Variants in HMGCLL1 observed in about 807,000 individuals in gnomAD.
HMGCLL1 encodes 3-hydroxymethyl-3-methylglutaryl-CoA lyase, cytoplasmic.
A neutral mutation model predicts 39.1 loss-of-function variants in HMGCLL1; 36 were observed. The ratio of observed to expected loss-of-function variants is 0.92; its 90% CI spans 0.71 to 1.22. The LOEUF is 1.22. Among genes scored for constraint, HMGCLL1 ranks in the 50% most tolerant of loss-of-function variants. The pLI, the probability that HMGCLL1 is intolerant of heterozygous loss-of-function variation, is 0.00. For missense variants in HMGCLL1, 451 were observed against 416.5 expected (o/e 1.08, Z -0.72); for synonymous variants, 149 against 144.0 (o/e 1.03, Z -0.25).
At chr6:55,516,365 T>C (rs764627795) in intron 4 of HMGCLL1, 143 bp downstream of exon 4, 169 of 464,706 alleles carry the variant, frequency 3.6e-4, no homozygotes, top group Middle Eastern at 8.8e-4. Flanking sequence ...CTGTGAGGAC[T>C]TGGAGCTCTA....
chr6:55,471,615 A>G (rs753094723), intron 7 of HMGCLL1, among the ~76,000 whole-genome samples: 28 of 151,696 alleles, frequency 1.8e-4, no homozygotes, highest in Non-Finnish European at 3.5e-4. Flanking sequence ...AACATATTTT[A>G]TGTGACATTT....
chr6:55,661,526 G>A, the HMGCLL1 span, among the ~76,000 whole-genome samples: 2 of 151,958 alleles, frequency 1.3e-5, no homozygotes, highest in East Asian at 1.9e-4. Flanking sequence ...GATTGTAGGT[G>A]TGTGGACTTA....
At chr6:55,443,491 T>C (rs1458972662) in intron 7 of HMGCLL1, among the ~76,000 whole-genome samples, 2 of 152,146 alleles carry the variant, frequency 1.3e-5, no homozygotes, top group Admixed American at 1.3e-4. Flanking sequence ...TTTTTAGTCT[T>C]AATTGGCCTT....
the HMGCLL1 span, among the ~76,000 whole-genome samples, chr6:55,651,693 C>T: frequency 1.2e-4 from 19 of 152,012 alleles, no homozygotes; most frequent in African/African-American, 4.6e-4. Flanking sequence ...CTAGACTGTC[C>T]TTTAAGTTTA....
intron 1 of HMGCLL1, among the ~76,000 whole-genome samples, chr6:55,544,431 T>A (rs1769839441): frequency 6.6e-6 from 1 of 152,144 alleles, no homozygotes; most frequent in Non-Finnish European, 1.5e-5. Flanking sequence ...TAACCCATAT[T>A]CAAGTTCTTT....
intron 7 of HMGCLL1, among the ~76,000 whole-genome samples, chr6:55,473,025 G>A (rs73447046): frequency 0.081 from 12,155 of 150,700 alleles, 1,581 homozygotes; most frequent in African/African-American, 0.28. Context: ...TTTCTTTTGC[G>A]AAGTCCACTT....
intron 1 of HMGCLL1, among the ~76,000 whole-genome samples, chr6:55,546,239 C>T (rs1769967576): frequency 6.6e-6 from 1 of 152,030 alleles, no homozygotes; most frequent in South Asian, 2.1e-4. Context: ...TTTTATTGAT[C>T]ATCCAAGATT....
At chr6:55,474,878 C>T (rs974878402) in intron 7 of HMGCLL1, among the ~76,000 whole-genome samples, 4 of 151,698 alleles carry the variant, frequency 2.6e-5, no homozygotes, top group East Asian at 1.9e-4. Context: ...CTATATAAGG[C>T]GGGCTTTCCT....
At chr6:55,652,506 T>G in the HMGCLL1 span, among the ~76,000 whole-genome samples, 3 of 152,124 alleles carry the variant, frequency 2.0e-5, no homozygotes, top group Non-Finnish European at 4.4e-5. Flanking sequence ...GCTATGAGAA[T>G]AGAGAATAGA....
the HMGCLL1 span, among the ~76,000 whole-genome samples, chr6:55,668,646 C>A: frequency 1.3e-5 from 2 of 151,772 alleles, no homozygotes; most frequent in African/African-American, 4.8e-5. Flanking sequence ...CCTTTAATAT[C>A]CTTGACCTGA....
At chr6:55,503,480 CT>C (rs70986722) in intron 5 of HMGCLL1, among the ~76,000 whole-genome samples, 101,888 of 150,942 alleles carry the variant, frequency 0.68, 34,396 homozygotes, top group Non-Finnish European at 0.7. Flanking sequence ...AAACCTGAGA[CT>C]TTTTTTTTCT....
chr6:55,437,418 G>GA lies in HMGCLL1; in HGVS notation c.922-1656dup, dbSNP rs200883859. 1.5e-3 allele frequency among the ~76,000 whole-genome samples: 231 copies of GA among 150,028 alleles called. 1 individual carries two copies. In the Middle Eastern group the frequency reaches 0.02, roughly 13 times the overall value. ...GATATGAGGCCATCAACCCACTGAGGAAAAAAAAATGCAGAAAGGAATGTG... is the reference window on the plus strand; with the variant it reads ...GATATGAGGCCATCAACCCACTGAGGAAAAAAAAAATGCAGAAAGGAATGTG... On this transcript the variant is annotated intron_variant, in intron 8 of 8. Coordinates refer to ENST00000274901, the MANE Select transcript of HMGCLL1 (RefSeq NM_001042406.2).
chr6:55,553,370 G>C (rs1416540428), intron 1 of HMGCLL1, among the ~76,000 whole-genome samples: 1 of 151,630 alleles, frequency 6.6e-6, no homozygotes, highest in African/African-American at 2.4e-5. Flanking sequence ...CCCAGGAGGC[G>C]GAGGTTGTGG....
At chr6:55,568,429 A>T (rs1771316760) in intron 1 of HMGCLL1, among the ~76,000 whole-genome samples, 1 of 152,224 alleles carries the variant, frequency 6.6e-6, no homozygotes, top group African/African-American at 2.4e-5. Flanking sequence ...TCATAAAACC[A>T]AACATCTATA....
the HMGCLL1 span, among the ~76,000 whole-genome samples, chr6:55,641,916 T>C: frequency 6.8e-6 from 1 of 147,676 alleles, no homozygotes; most frequent in Admixed American, 6.8e-5. Flanking sequence ...ATTTATTTAT[T>C]TTTTATTATA....
intron 7 of HMGCLL1, among the ~76,000 whole-genome samples, chr6:55,449,727 T>C (rs1763999616): frequency 6.6e-6 from 1 of 152,174 alleles, no homozygotes; most frequent in Non-Finnish European, 1.5e-5. Context: ...GTATTTAGAT[T>C]TCTTTAAATT....
At chr6:55,626,617 C>T in the HMGCLL1 span, among the ~76,000 whole-genome samples, 5 of 152,032 alleles carry the variant, frequency 3.3e-5, no homozygotes, top group Non-Finnish European at 7.4e-5. Flanking sequence ...GTAGAAGTGG[C>T]ACCACTCACC....
At chr6:55,643,375 T>C in the HMGCLL1 span, among the ~76,000 whole-genome samples, 3 of 152,066 alleles carry the variant, frequency 2.0e-5, no homozygotes, top group African/African-American at 7.2e-5. Context: ...TGATTTGCAT[T>C]GCTTTCTAGT....
At position 55,557,026 on chromosome 6, in the gene HMGCLL1, C is replaced by T. The variant is rs1429110356; in HGVS notation, c.109-14886G>A. On this transcript the variant is annotated intron_variant, in intron 1 of 8. Coordinates refer to ENST00000274901, the MANE Select transcript of HMGCLL1 (RefSeq NM_001042406.2). ...TCTCAGTTAAACACTTTCCTCCCTT[C>T]CCCCAGAATACTGCTAAATATTTTC... is the stretch of plus-strand genomic sequence containing the variant. Among the ~76,000 whole-genome samples, 4 of 152,218 alleles carry T rather than the reference C, an allele frequency of 2.6e-5. 1 individual carries two copies. The South Asian group carries it at 8.3e-4, about 32-fold the overall frequency.
Sources: allele counts gnomAD v4.1 joint callset (sites outside exome capture counted in the v4.1 genomes callset), GRCh38; gene constraint gnomAD v4.1.1; transcripts MANE v1.5; gene names NCBI Gene and HGNC (gene_info 2026-07-23, HGNC 2026-07-21).